The following AFF2 variants were observed in gnomAD, a reference collection of about 807,000 sequenced individuals.
The protein encoded by AFF2 is AF4/FMR2 family member 2.
In AFF2, 14 loss-of-function variants were observed where a neutral mutation model predicts 76.9. The ratio of observed to expected loss-of-function variants is 0.18; its 90% CI spans 0.12 to 0.28. The LOEUF (loss-of-function observed/expected upper bound fraction) is 0.28, where lower values mean the gene tolerates loss of function less well. Among genes scored for constraint, AFF2 ranks in the 10% least tolerant of loss-of-function variants. The pLI is 1.00. For synonymous variants in AFF2, 398 were observed against 366.7 expected (o/e 1.09, Z -0.98); for missense variants, 868 against 1,001.1 (o/e 0.87, Z 1.79).
intron 3 of AFF2, among the ~76,000 whole-genome samples, chrX:148,746,458 C>T (rs186863898): frequency 1.8e-3 from 198 of 112,240 alleles, no homozygotes; most frequent in Admixed American, 0.016. Flanking sequence ...GGCAGAATCC[C>T]TCCTCTTACT....
intron 3 of AFF2, among the ~76,000 whole-genome samples, chrX:148,783,318 A>G (rs2069768419): frequency 8.9e-6 from 1 of 111,796 alleles, no homozygotes; most frequent in Non-Finnish European, 1.9e-5. Context: ...GTGAGGTTTT[A>G]TGAAGACATA....
intron 2 of AFF2, among the ~76,000 whole-genome samples, chrX:148,656,924 T>C (rs1482149159): frequency 8.9e-6 from 1 of 112,344 alleles, no homozygotes; most frequent in East Asian, 2.8e-4. Flanking sequence ...TTATTTATCC[T>C]CTGACAGGAT....
chrX:148,734,382 A>G lies in AFF2; in HGVS notation c.1041+71614A>G, dbSNP rs782138759. Reference sequence around the variant, plus strand: ...CTCATGTGTACCTCCCAACAATACTATGAACAATACTATGAAGCTAGTATT... The same window carrying G: ...CTCATGTGTACCTCCCAACAATACTGTGAACAATACTATGAAGCTAGTATT... On this transcript the variant is annotated intron_variant, in intron 3 of 20. Coordinates refer to ENST00000370460, the MANE Select transcript of AFF2 (RefSeq NM_002025.4). Among the ~76,000 whole-genome samples the G allele has an allele frequency of 2.3e-3, 253 of 111,911 alleles. 1 individual carries two copies. The highest frequency in any genetic ancestry group is 7.7e-3 in the African/African-American group (236 of 30,764).
Position 148,958,387 on chromosome X carries a change from G to C in AFF2, c.2619G>C (p.Glu873Asp). The C allele has an allele frequency of 1.7e-6, 2 of 1,210,791 alleles. No individual in the cohort carries two copies. Among genetic ancestry groups the C allele is most frequent in the Non-Finnish European group, 2.2e-6 (2 of 894,771 alleles). The change falls in exon 12 of 21, where the codon GAG becomes GAC. Residue 873 changes from glutamate to aspartate, a missense_variant. By Grantham distance (45) the Glu-to-Asp change is conservative (BLOSUM62 2). Around this residue, in one of 6 missense-constraint regions of AFF2, gnomAD observed 532 missense variants for 564.2 expected, o/e 0.94. Coordinates refer to ENST00000370460, the MANE Select transcript of AFF2 (RefSeq NM_002025.4). The part of the protein sequence containing the change: ...KIPEKKQRLE[E>D]ATTICLLPPC... ...CTGAGAAGAAGCAGCGCCTGGAGGA[G>C]GCCACAACTATCTGCTTGCTCCCTC...
At position 148,887,686 on chromosome X, in the gene AFF2, C is replaced by T. The variant is rs782367331; in HGVS notation, c.1359+1701C>T. On this transcript the variant is annotated intron_variant, in intron 8 of 20. Coordinates refer to ENST00000370460, the MANE Select transcript of AFF2 (RefSeq NM_002025.4). ...TTGGTGGGTTGGAACCTTTTTATGA[C>T]ATGTTGCCGCTAGTCATGATGTCTT... Among the ~76,000 whole-genome samples the T allele has an allele frequency of 2.7e-5, 3 of 111,656 alleles. No individual in the cohort carries two copies. The South Asian group carries it at 1.1e-3, about 42-fold the overall frequency.
chrX:148,738,066 G>A (rs951182921), intron 3 of AFF2, among the ~76,000 whole-genome samples: 89 of 111,008 alleles, frequency 8.0e-4, no homozygotes, highest in Non-Finnish European at 3.0e-4. Context: ...CAAGGATATC[G>A]GTCTGTAGTT....
At chrX:148,834,408 A>G (rs2070494124) in intron 4 of AFF2, among the ~76,000 whole-genome samples, 1 of 111,146 alleles carries the variant, frequency 9.0e-6, no homozygotes, top group African/African-American at 3.3e-5. Context: ...GGGAATATGA[A>G]TCCCTGCTTT....
intron 8 of AFF2, 128 bp from the exon 9 acceptor site, chrX:148,904,093 C>T: frequency 2.0e-6 from 1 of 504,364 alleles, no homozygotes; most frequent in Non-Finnish European, 3.4e-6. Flanking sequence ...TGCTTATCTA[C>T]AGCACCCTGT....
At chrX:148,536,867 T>A (rs1039114449) in intron 1 of AFF2, among the ~76,000 whole-genome samples, 2 of 112,160 alleles carry the variant, frequency 1.8e-5, no homozygotes, top group Non-Finnish European at 3.8e-5. Flanking sequence ...GGTTTTTTTT[T>A]AGAAAATCTT....
At chrX:148,661,776 A>G (rs1260960780) in intron 2 of AFF2, 132 bp from the exon 3 acceptor site, 2 of 699,390 alleles carry the variant, frequency 2.9e-6, no homozygotes, top group Non-Finnish European at 4.2e-6. Flanking sequence ...GCATGAAATT[A>G]TATGGCAGCA....
At chrX:148,935,198 C>A (rs1234518752) in intron 9 of AFF2, among the ~76,000 whole-genome samples, 1 of 107,756 alleles carries the variant, frequency 9.3e-6, no homozygotes, top group East Asian at 2.9e-4. Flanking sequence ...ATAATGGTGA[C>A]AAAAGAACCA....
At chrX:148,973,034 C>G (rs1277142598) in intron 15 of AFF2, among the ~76,000 whole-genome samples, 2 of 86,031 alleles carry the variant, frequency 2.3e-5, no homozygotes, top group Non-Finnish European at 4.6e-5. Flanking sequence ...AATAGGGAAT[C>G]CTTTCCCCAT....
At chrX:148,701,788 T>G (rs1006741299) in intron 3 of AFF2, among the ~76,000 whole-genome samples, 10 of 111,820 alleles carry the variant, frequency 8.9e-5, no homozygotes, top group Non-Finnish European at 3.8e-5. Flanking sequence ...GTCTGTGAAT[T>G]AGTCTGTAAC....
chrX:148,987,510 G>T lies in AFF2; in HGVS notation c.3767G>T (p.Gly1256Val). The change falls in exon 20 of 21, where the codon GGC becomes GTC. Residue 1256 changes from glycine to valine, a missense_variant. Physicochemically the swap from Gly to Val is moderately radical, Grantham distance 109. Coordinates refer to ENST00000370460, the MANE Select transcript of AFF2 (RefSeq NM_002025.4). ...HVNITSNVLRGYEHWDMADKL... is the reference protein window; with the variant it reads ...HVNITSNVLRVYEHWDMADKL... ...AACATCACTAGCAATGTGTTACGGG[G>T]CTATGAACACTGGGATATGGCCGAC... 1 of 1,211,607 alleles carries T rather than the reference G, an allele frequency of 8.3e-7. No individual in the cohort carries two copies. Among genetic ancestry groups the T allele is most frequent in the Non-Finnish European group, 1.1e-6 (1 of 895,371 alleles).
chrX:148,978,858 G>T (rs782085517), intron 18 of AFF2, among the ~76,000 whole-genome samples: 1 of 111,915 alleles, frequency 8.9e-6, no homozygotes, highest in Admixed American at 9.5e-5. Flanking sequence ...CTGGCTCTAT[G>T]TGCACGTCCA....
chrX:148,747,877 C>T (rs782043789), intron 3 of AFF2, among the ~76,000 whole-genome samples: 5 of 110,358 alleles, frequency 4.5e-5, no homozygotes, highest in South Asian at 3.8e-4. Context: ...GCCAGTCTTG[C>T]GGAAAAAAAG....
intron 3 of AFF2, among the ~76,000 whole-genome samples, chrX:148,740,862 T>C (rs1346280394): frequency 8.9e-6 from 1 of 112,006 alleles, no homozygotes; most frequent in East Asian, 2.8e-4. Flanking sequence ...AGTACTCTCC[T>C]CTTTTTCCTG....
chrX:148,892,011 A>G (rs954699978), intron 8 of AFF2, among the ~76,000 whole-genome samples: 4 of 112,109 alleles, frequency 3.6e-5, no homozygotes, highest in East Asian at 2.8e-4. Context: ...TAAAGCTTGG[A>G]GTAGTATGCT....
chrX:148,933,790 A>T (rs1474497562), intron 9 of AFF2, among the ~76,000 whole-genome samples: 1 of 111,729 alleles, frequency 9.0e-6, no homozygotes, highest in African/African-American at 3.3e-5. Flanking sequence ...TATTTAAATA[A>T]TTTTTTTTCA....
Sources: allele counts gnomAD v4.1 joint callset (sites outside exome capture counted in the v4.1 genomes callset), GRCh38; gene constraint gnomAD v4.1.1; regional missense constraint gnomAD v4.1.1; transcripts MANE v1.5; gene names NCBI Gene and HGNC (gene_info 2026-07-23, HGNC 2026-07-21).